Variants in HHAT observed in about 807,000 individuals in gnomAD.
The protein encoded by HHAT is protein-cysteine N-palmitoyltransferase HHAT.
Under a neutral mutation model 70.8 loss-of-function variants are expected in HHAT, and 47 were observed. The ratio of observed to expected loss-of-function variants is 0.66; its 90% confidence interval spans 0.53 to 0.85. The LOEUF is 0.85. Ranked by LOEUF, HHAT falls within the 40% of genes least tolerant of loss-of-function variation. HHAT has a pLI of 0.00. For missense variants in HHAT, 609 were observed against 604.8 expected (o/e 1.01, Z -0.07); for synonymous variants, 228 against 247.6 (o/e 0.92, Z 0.74).
intron 8 of HHAT, among the ~76,000 whole-genome samples, chr1:210,484,431 A>G (rs2094444287): frequency 6.6e-6 from 1 of 151,760 alleles, no homozygotes; most frequent in African/African-American, 2.4e-5. Flanking sequence ...CCCATTAGAG[A>G]TGTTAATTTT....
At chr1:210,383,344 G>T (rs909287055) in intron 3 of HHAT, among the ~76,000 whole-genome samples, 88 of 150,024 alleles carry the variant, frequency 5.9e-4, no homozygotes, top group African/African-American at 2.1e-3. Context: ...TCTCAAAAAA[G>T]AGCTTCAAAT....
At chr1:210,507,392 G>A (rs926648068) in intron 8 of HHAT, among the ~76,000 whole-genome samples, 2 of 104,278 alleles carry the variant, frequency 1.9e-5, no homozygotes, top group African/African-American at 7.4e-5. Flanking sequence ...ACGGAGTCTT[G>A]CTTTGTCGCC....
chr1:210,599,013 A>G (rs4565714), intron 10 of HHAT, among the ~76,000 whole-genome samples: 143,618 of 152,116 alleles, frequency 0.94, 68,373 homozygotes, highest in East Asian at 1. Context: ...AGAGCTGAAC[A>G]TTCACGCAAA....
At chr1:210,434,699 A>G (rs1393423366) in intron 7 of HHAT, among the ~76,000 whole-genome samples, 1 of 151,830 alleles carries the variant, frequency 6.6e-6, no homozygotes, top group Non-Finnish European at 1.5e-5. Flanking sequence ...TCAGTTGTAG[A>G]GTTAGCTACC....
intron 11 of HHAT, among the ~76,000 whole-genome samples, chr1:210,673,737 A>T: frequency 6.6e-6 from 1 of 151,232 alleles, no homozygotes. Flanking sequence ...GACTACAGAA[A>T]CATGCCACCA....
At chr1:210,563,164 T>C (rs2501910) in intron 9 of HHAT, among the ~76,000 whole-genome samples, 134,958 of 152,104 alleles carry the variant, frequency 0.89, 60,436 homozygotes, top group Non-Finnish European at 0.94. Context: ...CCGCCTGTGG[T>C]AAGTACCTAG....
In HHAT at chr1:210,463,005, G is replaced by C. The variant is rs1181961291; in HGVS notation, c.857-1500G>C. ...AGTGGGGCGGGCAATCTTGAGGTGA[G>C]AGAGCATGTGGCCATTTATCGTCTC... On this transcript the variant is annotated intron_variant, in intron 7 of 11. Transcript: ENST00000261458. 2.0e-5 allele frequency: 3 copies of C among 152,252 alleles called. No individual in the cohort carries two copies. In the East Asian group the frequency reaches 5.8e-4, roughly 29 times the overall value. The allele number at this position is 152,252 out of a possible 1,614,324, so 9.4% of individuals were successfully genotyped here. A position where few individuals can be genotyped will look rare whatever the true frequency, so the allele number is the denominator to read the frequency against.
At chr1:210,482,997 T>C (rs2094420381) in intron 8 of HHAT, among the ~76,000 whole-genome samples, 1 of 152,222 alleles carries the variant, frequency 6.6e-6, no homozygotes, top group Admixed American at 6.5e-5. Flanking sequence ...CTATGCTGTA[T>C]AAACATAGCC....
At chr1:210,602,481 G>A (rs6668713) in intron 10 of HHAT, among the ~76,000 whole-genome samples, 68,269 of 151,900 alleles carry the variant, frequency 0.45, 15,649 homozygotes, top group South Asian at 0.53. Flanking sequence ...AGAACAGTGC[G>A]TGCGCTACCT....
At chr1:210,453,659 T>C (rs1245778899) in intron 7 of HHAT, among the ~76,000 whole-genome samples, 1 of 152,200 alleles carries the variant, frequency 6.6e-6, no homozygotes, top group African/African-American at 2.4e-5. Context: ...ACTTGTATGT[T>C]TCTTTTAAAC....
intron 7 of HHAT, among the ~76,000 whole-genome samples, chr1:210,441,396 G>T (rs1004775079): frequency 6.6e-6 from 1 of 152,202 alleles, no homozygotes; most frequent in Non-Finnish European, 1.5e-5. Context: ...TGGTCTGAAT[G>T]TCAAGTGTCT....
At chr1:210,363,668 AG>A (rs979084387) in intron 3 of HHAT, among the ~76,000 whole-genome samples, 24 of 152,026 alleles carry the variant, frequency 1.6e-4, no homozygotes, top group African/African-American at 5.8e-4. Context: ...TCCAGGGCCC[AG>A]GTCATGGTGG....
intron 5 of HHAT, among the ~76,000 whole-genome samples, chr1:210,402,338 C>A (rs1419966162): frequency 1.3e-5 from 2 of 152,216 alleles, no homozygotes; most frequent in Admixed American, 6.5e-5. Context: ...CATCGACCTT[C>A]TCCTTCCTAG....
At chr1:210,615,850 G>A (rs1427513509) in intron 10 of HHAT, among the ~76,000 whole-genome samples, 4 of 152,156 alleles carry the variant, frequency 2.6e-5, no homozygotes, top group African/African-American at 9.7e-5. Flanking sequence ...TGCCCCTACT[G>A]GGGGGTGCCT....
chr1:210,394,229 C>CTTTT lies in HHAT; in HGVS notation c.274-6207_274-6204dup, dbSNP rs59554789. Reference sequence around the variant, plus strand: ...TTTTATTTTCAAAAGCATGATCTATCTTTTTTTTTTTTTTTTTTTTTTTTT... The same window carrying CTTTT: ...TTTTATTTTCAAAAGCATGATCTATCTTTTTTTTTTTTTTTTTTTTTTTTTTTTT... On this transcript the variant is annotated intron_variant, in intron 4 of 11. Coordinates refer to ENST00000261458, the MANE Select transcript of HHAT (RefSeq NM_018194.6). Among the ~76,000 whole-genome samples, 711 of 115,806 alleles carry CTTTT rather than the reference C, an allele frequency of 6.1e-3. 20 individuals carry two copies. Among genetic ancestry groups the CTTTT allele is most frequent in the Middle Eastern group, 0.011 (2 of 180 alleles). 76.0% of individuals were successfully genotyped at this position (115,806 alleles called of 152,430 possible).
rs552332322 is a variant in HHAT at position 210,609,300 on chromosome 1, ATCT to A, written c.1246-14221_1246-14219del. ...CCAAAGATTTAAAAATTTTCTATAT[ATCT>A]TCTTATTTATTTTGCCTAATTGTCT... On this transcript the variant is annotated intron_variant, in intron 10 of 11. Coordinates refer to ENST00000261458, the MANE Select transcript of HHAT (RefSeq NM_018194.6). Among the ~76,000 whole-genome samples, 16 of 152,252 alleles carry A rather than the reference ATCT, an allele frequency of 1.1e-4. No individual in the cohort carries two copies. The East Asian group carries it at 2.1e-3, about 20-fold the overall frequency.
chr1:210,499,835 A>T (rs2094720392), intron 8 of HHAT, among the ~76,000 whole-genome samples: 1 of 152,210 alleles, frequency 6.6e-6, no homozygotes, highest in African/African-American at 2.4e-5. Flanking sequence ...TATCTTAGTC[A>T]AGTAGGGAAT....
chr1:210,481,128 G>A (rs1021294264), intron 8 of HHAT, among the ~76,000 whole-genome samples: 1 of 151,836 alleles, frequency 6.6e-6, no homozygotes, highest in African/African-American at 2.4e-5. Context: ...AGCAGGATGA[G>A]GAGGGGGACT....
intron 7 of HHAT, among the ~76,000 whole-genome samples, chr1:210,440,562 C>T (rs1489073291): frequency 6.6e-6 from 1 of 151,858 alleles, no homozygotes; most frequent in Non-Finnish European, 1.5e-5. Context: ...TCAGCTGGGA[C>T]AGTGAGTCCT....
Sources: gnomAD v4.1 joint callset for allele counts (sites outside exome capture counted in the v4.1 genomes callset) on GRCh38, gnomAD v4.1.1 for gene constraint, MANE v1.5 for transcripts, NCBI Gene and HGNC (gene_info 2026-07-23, HGNC 2026-07-21) for gene names.